Variants in SBNO2 observed in about 807,000 individuals in gnomAD.
The protein encoded by SBNO2 is strawberry notch homolog 2, also known as protein strawberry notch homolog 2.
SBNO2 carries 89 observed loss-of-function variants against 146.3 expected under a neutral mutation model. That is an observed-to-expected ratio of 0.61 (90% CI 0.51 to 0.73). The LOEUF is 0.73. SBNO2 is among the 30% of genes least tolerant of loss of function. The pLI is 0.00. For missense variants in SBNO2, 2,092 were observed against 2,003.7 expected (o/e 1.04, Z -0.84); for synonymous variants, 1,147 against 892.6 (o/e 1.29, Z -5.08).
intron 1 of SBNO2, among the ~76,000 whole-genome samples, chr19:1,171,065 G>A (rs1284765645): frequency 1.3e-5 from 2 of 151,360 alleles, no homozygotes; most frequent in Non-Finnish European, 2.9e-5. Context: ...GTACACACAG[G>A]CACACACACA....
chr19:1,146,509 C>T (rs950458917), intron 4 of SBNO2, among the ~76,000 whole-genome samples: 16 of 152,042 alleles, frequency 1.1e-4, no homozygotes, highest in Admixed American at 6.6e-4. Flanking sequence ...ACAGGGGAAG[C>T]GGAGGCTTGG....
At chr19:1,137,111 G>A (rs1339143637) in intron 4 of SBNO2, among the ~76,000 whole-genome samples, 1 of 148,594 alleles carries the variant, frequency 6.7e-6, no homozygotes, top group East Asian at 2.0e-4. Flanking sequence ...AGGGATGGGC[G>A]AGGGGCAGTG....
intron 4 of SBNO2, among the ~76,000 whole-genome samples, chr19:1,135,933 C>A (rs1435737306): frequency 6.6e-6 from 1 of 152,040 alleles, no homozygotes; most frequent in African/African-American, 2.4e-5. Context: ...AACTGTGTCC[C>A]CAAAATGGTG....
In SBNO2 at chr19:1,154,252, C is replaced by A. The variant is rs2080268515; in HGVS notation, c.25G>T (p.Asp9Tyr). The A allele has an allele frequency of 7.9e-7, 1 of 1,269,502 alleles. No homozygotes were observed. The highest frequency in any genetic ancestry group is 3.6e-5 in the Admixed American group (1 of 28,086). 78.6% of individuals were successfully genotyped at this position (1,269,502 alleles called of 1,614,324 possible). The part of the protein sequence containing the change: MLAVGPAM[D>Y]RDYPQHEPPP... ...GGTTCATGCTGCGGGTAATCCCTGTCCATGGCGGGCCCCACTGCAAGCATC... is the reference window on the plus strand; with the variant it reads ...GGTTCATGCTGCGGGTAATCCCTGTACATGGCGGGCCCCACTGCAAGCATC... Residue 9 changes from aspartate to tyrosine, a missense_variant, in exon 2 of 32, where the codon GAC becomes TAC. By Grantham distance (160) the Asp-to-Tyr change is radical. Transcript: ENST00000361757.
In SBNO2 at chr19:1,158,056, T is replaced by C. The variant is rs939664049; in HGVS notation, c.-126-3654A>G. 8.5e-5 allele frequency among the ~76,000 whole-genome samples: 13 copies of C among 152,172 alleles called. No individual in the cohort carries two copies. The highest frequency in any genetic ancestry group is 1.9e-4 in the Non-Finnish European group (13 of 68,022). ...CCCGTCTCTCTCTCCTGAGTCCGGG[T>C]AACTGCGGCCGCCTCCCGCCTCTTT... On this transcript the variant is annotated intron_variant, in intron 1 of 31. Coordinates refer to ENST00000361757, the MANE Select transcript of SBNO2 (RefSeq NM_014963.3). The surrounding 1 kb of genome is among the most constrained non-coding windows in gnomAD (Gnocchi z 9.9).
At chr19:1,142,460 G>T (rs1262892416) in intron 4 of SBNO2, among the ~76,000 whole-genome samples, 1 of 152,180 alleles carries the variant, frequency 6.6e-6, no homozygotes, top group South Asian at 2.1e-4. Context: ...CAGGCGGATC[G>T]CCTGAGGTCA....
At chr19:1,124,050 G>A (rs1181968913) in intron 5 of SBNO2, 28 bp from the exon 6 acceptor site, 2 of 1,600,370 alleles carry the variant, frequency 1.2e-6, no homozygotes, top group East Asian at 2.2e-5. Context: ...TGTCAGCCCG[G>A]GCCAGACGGG....
intron 17 of SBNO2, among the ~76,000 whole-genome samples, chr19:1,114,799 T>G (rs1351359400): frequency 1.3e-5 from 2 of 152,120 alleles, no homozygotes; most frequent in Non-Finnish European, 2.9e-5. Flanking sequence ...CACGCCTGGC[T>G]AATCTTTTGT....
In SBNO2 at chr19:1,119,627, G is replaced by C. The variant is rs2079875593; in HGVS notation, c.1268-6C>G. 3 of 1,601,446 alleles carry C rather than the reference G, an allele frequency of 1.9e-6. No homozygotes were observed. The highest frequency in any genetic ancestry group is 2.2e-5 in the South Asian group (2 of 89,314). ...GTTCCGAGGCTCAGAGGCACCTGTG[G>C]GGGGAAGCTGCCGTCAGCTCCCCAA... is the stretch of plus-strand genomic sequence containing the variant. On this transcript the variant is annotated splice_polypyrimidine_tract_variant and splice_region_variant and intron_variant, in intron 12 of 31. Transcript: ENST00000361757.
At chr19:1,122,589 C>G (rs757023939) in intron 9 of SBNO2, 31 bp from the exon 10 acceptor site, 68 of 1,506,730 alleles carry the variant, frequency 4.5e-5, no homozygotes, top group Non-Finnish European at 5.6e-5. Flanking sequence ...GCGCGCCCAC[C>G]CTTCCCCCTC....
chr19:1,144,568 A>G lies in SBNO2; in HGVS notation c.279+2741T>C, dbSNP rs908538067. Among the ~76,000 whole-genome samples, 1 of 151,930 alleles carries G rather than the reference A, an allele frequency of 6.6e-6. No homozygotes were observed. The highest frequency in any genetic ancestry group is 1.5e-5 in the Non-Finnish European group (1 of 67,954). On this transcript the variant is annotated intron_variant, in intron 4 of 31. Coordinates refer to ENST00000361757, the MANE Select transcript of SBNO2 (RefSeq NM_014963.3). The surrounding 1 kb of genome is among the most constrained non-coding windows in gnomAD (Gnocchi z 4.1). ...CAGAGACATGGAGAGAGACAGAGAC[A>G]GGGAGACAGAGACGCAGAGACATAG...
intron 1 of SBNO2, among the ~76,000 whole-genome samples, chr19:1,161,997 G>T: frequency 7.0e-6 from 1 of 143,406 alleles, no homozygotes; most frequent in Non-Finnish European, 1.5e-5. Context: ...GGACGTCCTG[G>T]CCCAAGGTGA....
At chr19:1,147,714 C>T (rs113367300) in intron 3 of SBNO2, among the ~76,000 whole-genome samples, 2,143 of 152,246 alleles carry the variant, frequency 0.014, 55 homozygotes, top group African/African-American at 0.049. Flanking sequence ...CTCCCCGCTC[C>T]ATCAGCAGGA....
chr19:1,116,059 T>C lies in SBNO2; in HGVS notation c.1847A>G (p.Lys616Arg). ...SLIQKHFPST[K>R]RKRDRGAGSK... ...GCCCGCTCCTCTGTCCCGCTTTCTC[T>C]TGGTGGACGGAAAGTGCTTCTGAAT... is the stretch of plus-strand genomic sequence containing the variant. Residue 616 changes from lysine to arginine, a missense_variant, in exon 17 of 32, where the codon AAG becomes AGG. Lys to Arg is a conservative substitution (Grantham distance 26). Transcript: ENST00000361757. 2 of 1,611,056 alleles carry C rather than the reference T, an allele frequency of 1.2e-6. No individual in the cohort carries two copies. The highest frequency in any genetic ancestry group is 1.7e-5 in the Admixed American group (1 of 59,786).
At chr19:1,113,316 T>TA (rs769201245) in intron 19 of SBNO2, among the ~76,000 whole-genome samples, 16 of 152,058 alleles carry the variant, frequency 1.1e-4, no homozygotes, top group Non-Finnish European at 2.9e-5. Context: ...ATCTGGGGCT[T>TA]AGAGGGATGG....
rs2080175177 is a variant in SBNO2, at chr19:1,144,955, AAGAGGGAGACAGAGACAGAGACTG to A, written c.279+2330_279+2353del. Among the ~76,000 whole-genome samples the A allele has an allele frequency of 2.1e-5, 3 of 143,702 alleles. No homozygotes were observed. The highest frequency in any genetic ancestry group is 6.8e-5 in the Admixed American group (1 of 14,644). 94.3% of individuals were successfully genotyped at this position (143,702 alleles called of 152,430 possible). A position where few individuals can be genotyped will look rare whatever the true frequency, so the allele number is the denominator to read the frequency against. On this transcript the variant is annotated intron_variant, in intron 4 of 31. Coordinates refer to ENST00000361757, the MANE Select transcript of SBNO2 (RefSeq NM_014963.3). This position sits in a 1 kb window ranked among gnomAD's most constrained non-coding sequence, Gnocchi z 4.1. ...AGAGACAGAGAGGGAGACAGAGACA[AAGAGGGAGACAGAGACAGAGACTG>A]AGAGGGAGACAGAGAGATGGAGCAT...
chr19:1,112,042 C>T lies in SBNO2; in HGVS notation c.2654G>A (p.Arg885His), dbSNP rs774334840. 1.2e-5 allele frequency: 20 copies of T among 1,612,356 alleles called. 1 individual carries two copies. The highest frequency in any genetic ancestry group is 6.7e-5 in the East Asian group (3 of 44,878). ...SLGALTHGDR[R>H]ATESRDLSKY... is the part of the protein sequence containing the mutation. The stretch of plus-strand genomic sequence containing the variant: ...GCTGAGGTCACGGGACTCCGTGGCG[C>T]GGCGGTCTCCGTGGGTCAGGGCCCC... Residue 885 changes from arginine (R) to histidine (H), a missense_variant, in exon 23 of 32, where the codon CGC becomes CAC. Coordinates refer to ENST00000361757, the MANE Select transcript of SBNO2 (RefSeq NM_014963.3). This position sits in a 1 kb window ranked among gnomAD's most constrained non-coding sequence, Gnocchi z 5.9.
intron 8 of SBNO2, 33 bp downstream of exon 8, chr19:1,122,861 A>G: frequency 1.9e-6 from 3 of 1,539,260 alleles, no homozygotes; most frequent in East Asian, 4.9e-5. Flanking sequence ...CCTCGCGGAC[A>G]CAGGCTGGGC....
At chr19:1,122,315 C>T (rs189496632) in intron 10 of SBNO2, 33 bp from the exon 11 acceptor site, 1 of 1,535,734 alleles carries the variant, frequency 6.5e-7, no homozygotes, top group Non-Finnish European at 8.8e-7. Context: ...TGGAATGGGG[C>T]CCCGGCTCAG....
Sources: allele counts gnomAD v4.1 joint callset (sites outside exome capture counted in the v4.1 genomes callset), GRCh38; gene constraint gnomAD v4.1.1; non-coding constraint Gnocchi (gnomAD v3.1); transcripts MANE v1.5; gene names NCBI Gene and HGNC (gene_info 2026-07-23, HGNC 2026-07-21).